The following SOBP variants were observed in gnomAD, a reference collection of about 807,000 sequenced individuals.
The protein encoded by SOBP is sine oculis-binding protein homolog.
Under a neutral mutation model 53.6 loss-of-function variants are expected in SOBP, and 4 were observed. That is an observed-to-expected ratio of 0.07 (90% CI 0.04 to 0.17). The LOEUF is 0.17. Ranked by LOEUF, SOBP falls within the 10% of genes least tolerant of loss-of-function variation. SOBP has a pLI of 1.00. For missense variants in SOBP, 1,088 were observed against 1,204.7 expected, an observed-to-expected ratio of 0.90 and a Z score of 1.43; for synonymous variants, 584 against 522.6, an observed-to-expected ratio of 1.12 and a Z score of -1.60.
chr6:107,558,608 T>C (rs1366501394), intron 4 of SOBP, among the ~76,000 whole-genome samples: 1 of 151,982 alleles, frequency 6.6e-6, no homozygotes, highest in Non-Finnish European at 1.5e-5. Flanking sequence ...CAGGGCGATT[T>C]ATGTAACTCC....
intron 5 of SOBP, among the ~76,000 whole-genome samples, chr6:107,590,051 T>A (rs1785694814): frequency 6.6e-6 from 1 of 152,230 alleles, no homozygotes; most frequent in Non-Finnish European, 1.5e-5. Context: ...CCTTTATCAT[T>A]ACTGCCTCTT....
At chr6:107,579,826 T>C (rs1290228949) in intron 4 of SOBP, among the ~76,000 whole-genome samples, 1 of 152,146 alleles carries the variant, frequency 6.6e-6, no homozygotes, top group East Asian at 1.9e-4. Flanking sequence ...AAGGTTTGCA[T>C]GGAGTGAAAA....
At chr6:107,541,300 C>A (rs1047283156) in intron 4 of SOBP, among the ~76,000 whole-genome samples, 1 of 152,102 alleles carries the variant, frequency 6.6e-6, no homozygotes, top group African/African-American at 2.4e-5. Flanking sequence ...TATGAGAGAG[C>A]TTTGGAGGCA....
intron 4 of SOBP, among the ~76,000 whole-genome samples, chr6:107,586,652 T>C (rs1006783932): frequency 6.6e-5 from 10 of 152,310 alleles, no homozygotes; most frequent in Non-Finnish European, 1.2e-4. Flanking sequence ...AATATAATTA[T>C]GCAGATTGCT....
chr6:107,498,147 G>C (rs1405419841), intron 1 of SOBP, among the ~76,000 whole-genome samples: 2 of 152,168 alleles, frequency 1.3e-5, no homozygotes, highest in Non-Finnish European at 2.9e-5. Context: ...GAAATTAAAG[G>C]TTCCTACCCT....
chr6:107,623,192 C>T (rs1770283557), intron 5 of SOBP, among the ~76,000 whole-genome samples: 1 of 152,104 alleles, frequency 6.6e-6, no homozygotes, highest in African/African-American at 2.4e-5. Context: ...ATCAGAGGCT[C>T]AGTGCATTTG....
At chr6:107,608,656 A>C (rs1263851247) in intron 5 of SOBP, among the ~76,000 whole-genome samples, 10 of 152,230 alleles carry the variant, frequency 6.6e-5, no homozygotes, top group Admixed American at 6.5e-4. Context: ...CATCTCTTTT[A>C]AAATGAAAGT....
At chr6:107,537,267 C>T (rs1180592315) in intron 4 of SOBP, among the ~76,000 whole-genome samples, 1 of 152,236 alleles carries the variant, frequency 6.6e-6, no homozygotes, top group Non-Finnish European at 1.5e-5. Context: ...AAATGTTAGT[C>T]ACTTCCAAAT....
intron 6 of SOBP, among the ~76,000 whole-genome samples, chr6:107,647,692 G>A (rs147403025): frequency 9.2e-5 from 14 of 152,088 alleles, no homozygotes; most frequent in African/African-American, 3.1e-4. Flanking sequence ...AGGTCACAGG[G>A]TGGCGCAGCC....
chr6:107,621,415 C>T (rs974371208), intron 5 of SOBP, among the ~76,000 whole-genome samples: 1 of 152,158 alleles, frequency 6.6e-6, no homozygotes, highest in Non-Finnish European at 1.5e-5. Flanking sequence ...CAGAAAAGAA[C>T]TAGGCAAATC....
At position 107,634,373 on chromosome 6, in the gene SOBP, G is replaced by C; in HGVS notation, c.1529G>C (p.Gly510Ala). The C allele has an allele frequency of 1.3e-6, 2 of 1,594,768 alleles. No homozygotes were observed. Among genetic ancestry groups the C allele is most frequent in the Non-Finnish European group, 1.7e-6 (2 of 1,177,112 alleles). The change falls in exon 6 of 7, where the codon GGG becomes GCG. Residue 510 changes from glycine (G) to alanine (A), a missense_variant. Coordinates refer to ENST00000317357, the MANE Select transcript of SOBP (RefSeq NM_018013.4). This position sits in a 1 kb window ranked among gnomAD's most constrained non-coding sequence, Gnocchi z 4.5. ...CCGGTGCCCCAGATGATGAATTTCG[G>C]GCTGCCGTCGCTTGCCCCGCTGGTG... ...PMPVPQMMNF[G>A]LPSLAPLVPP...
At chr6:107,519,152 ATATCTC>A (rs1269632044) in intron 3 of SOBP, among the ~76,000 whole-genome samples, 3 of 148,542 alleles carry the variant, frequency 2.0e-5, no homozygotes, top group African/African-American at 7.5e-5. Flanking sequence ...AGAATATACA[ATATCTC>A]TACCTCCCAG....
At chr6:107,567,582 A>C (rs1194859693) in intron 4 of SOBP, among the ~76,000 whole-genome samples, 1 of 152,260 alleles carries the variant, frequency 6.6e-6, no homozygotes, top group Non-Finnish European at 1.5e-5. Flanking sequence ...AATTCAGAAT[A>C]CTGGAAGAAG....
At chr6:107,614,768 T>A (rs1277562138) in intron 5 of SOBP, among the ~76,000 whole-genome samples, 1 of 152,208 alleles carries the variant, frequency 6.6e-6, no homozygotes, top group African/African-American at 2.4e-5. Flanking sequence ...TTTCAAAAAT[T>A]GCTGGATTGT....
At chr6:107,641,263 T>A (rs1771305232) in intron 6 of SOBP, among the ~76,000 whole-genome samples, 1 of 152,246 alleles carries the variant, frequency 6.6e-6, no homozygotes, top group African/African-American at 2.4e-5. Context: ...ATGTAGCACT[T>A]GCCTCAATAA....
intron 4 of SOBP, among the ~76,000 whole-genome samples, chr6:107,556,671 G>A (rs1288383081): frequency 3.9e-5 from 6 of 152,224 alleles, no homozygotes; most frequent in African/African-American, 1.4e-4. Flanking sequence ...TAGTCTATAA[G>A]CCTTGACTCT....
At chr6:107,492,814 A>G (rs1051194959) in intron 1 of SOBP, among the ~76,000 whole-genome samples, 1 of 152,208 alleles carries the variant, frequency 6.6e-6, no homozygotes, top group Non-Finnish European at 1.5e-5. Context: ...GAAGTTTTAC[A>G]CGGCAAATAA....
At chr6:107,651,199 T>G (rs1165850728) in intron 6 of SOBP, among the ~76,000 whole-genome samples, 5 of 152,140 alleles carry the variant, frequency 3.3e-5, no homozygotes, top group African/African-American at 1.2e-4. Context: ...CCTGGGAATT[T>G]GAGGCTGCAG....
At chr6:107,500,652 G>T (rs1334218852) in intron 1 of SOBP, among the ~76,000 whole-genome samples, 2 of 151,618 alleles carry the variant, frequency 1.3e-5, no homozygotes, top group Non-Finnish European at 2.9e-5. Context: ...CTCCCAAGTA[G>T]CTGGGACTAC....
Sources: gnomAD v4.1 joint callset for allele counts (sites outside exome capture counted in the v4.1 genomes callset) on GRCh38, gnomAD v4.1.1 for gene constraint, Gnocchi (gnomAD v3.1) non-coding constraint, MANE v1.5 for transcripts, NCBI Gene and HGNC (gene_info 2026-07-23, HGNC 2026-07-21) for gene names.